The following PAPPA variants were observed in gnomAD, a reference collection of about 807,000 sequenced individuals.
PAPPA encodes pappalysin 1, also known as pappalysin-1.
A neutral mutation model predicts 164.0 loss-of-function variants in PAPPA; 60 were observed. The observed-to-expected ratio is 0.37, with a 90% CI of 0.30 to 0.45. The LOEUF is 0.45. Ranked by LOEUF, PAPPA falls within the 20% of genes least tolerant of loss-of-function variation. PAPPA has a pLI of 1.00. For missense variants in PAPPA, 1,782 were observed against 2,087.3 expected, an observed-to-expected ratio of 0.85 and a Z score of 2.85; for synonymous variants, 875 against 814.1, an observed-to-expected ratio of 1.07 and a Z score of -1.27.
Position 116,187,554 on chromosome 9 carries a change from G to A in PAPPA, c.816G>A (p.Met272Ile). The change falls in exon 2 of 22, where the codon ATG becomes ATA. Residue 272 changes from methionine to isoleucine, a missense_variant. Coordinates refer to ENST00000328252, the MANE Select transcript of PAPPA (RefSeq NM_002581.5). This position sits in a 1 kb window ranked among gnomAD's most constrained non-coding sequence, Gnocchi z 4.2. Reference sequence around the variant, plus strand: ...CTCAGCGGGAGATACTGTCTGACATGGAAACCCATGGCGCCCACACTGCTC... The same window carrying A: ...CTCAGCGGGAGATACTGTCTGACATAGAAACCCATGGCGCCCACACTGCTC... ...ARTQREILSD[M>I]ETHGAHTALP... 1 of 1,614,182 alleles carries A rather than the reference G, an allele frequency of 6.2e-7. No individual in the cohort carries two copies. The highest frequency in any genetic ancestry group is 1.3e-5 in the African/African-American group (1 of 75,044).
At chr9:116,268,284 TC>T (rs1219111028) in intron 8 of PAPPA, among the ~76,000 whole-genome samples, 3 of 152,206 alleles carry the variant, frequency 2.0e-5, no homozygotes, top group South Asian at 2.1e-4. Flanking sequence ...AGATACAGTT[TC>T]CAATGCAGTA....
At chr9:116,193,229 C>G (rs866215464) in intron 2 of PAPPA, among the ~76,000 whole-genome samples, 1 of 151,958 alleles carries the variant, frequency 6.6e-6, no homozygotes, top group African/African-American at 2.4e-5. Context: ...TTGGAAGTCT[C>G]ACAAAAGGGG....
At position 116,173,292 on chromosome 9, in the gene PAPPA, T is replaced by C. The variant is rs1379362655; in HGVS notation, c.416-13862T>C. On this transcript the variant is annotated intron_variant, in intron 1 of 21. Transcript: ENST00000328252. ...TAGAAATTTAGTAGTGTATCAAACC[T>C]CTCTCTTTGAAATTGTGCTCACATT... Among the ~76,000 whole-genome samples the C allele has an allele frequency of 2.6e-5, 4 of 152,174 alleles. No individual in the cohort carries two copies. In the South Asian group the frequency reaches 6.2e-4, roughly 24 times the overall value.
chr9:116,367,267 C>G (rs912980606), intron 18 of PAPPA, among the ~76,000 whole-genome samples: 4 of 152,268 alleles, frequency 2.6e-5, no homozygotes, highest in Admixed American at 6.5e-5. Flanking sequence ...TTGAACCAAC[C>G]AAAGAGTGAA....
chr9:116,228,695 C>T (rs1844547675), intron 6 of PAPPA, among the ~76,000 whole-genome samples: 1 of 152,190 alleles, frequency 6.6e-6, no homozygotes, highest in Non-Finnish European at 1.5e-5. Flanking sequence ...TTCAGCCTCA[C>T]AGAATCACAG....
intron 7 of PAPPA, among the ~76,000 whole-genome samples, chr9:116,263,493 A>T (rs1364857999): frequency 6.6e-6 from 1 of 152,194 alleles, no homozygotes. Flanking sequence ...CTCTTCTAGT[A>T]AGGGGACCAT....
chr9:116,260,796 G>A (rs1246689084), intron 7 of PAPPA, among the ~76,000 whole-genome samples: 1 of 152,232 alleles, frequency 6.6e-6, no homozygotes, highest in Non-Finnish European at 1.5e-5. Flanking sequence ...TGGTCAATGA[G>A]TCAACGGTAG....
rs1457041162 is a variant in PAPPA, at chr9:116,353,528, T to C, written c.4176-94T>C. ...CAGGTGGGGAATCAAAACTAGGAAA[T>C]AGGAAATGGGGGCCCAGCTGGTGGT... is the stretch of plus-strand genomic sequence containing the variant. On this transcript the variant is annotated intron_variant, in intron 16 of 21. Transcript: ENST00000328252. 8 of 1,145,356 alleles carry C rather than the reference T, an allele frequency of 7.0e-6. No individual in the cohort carries two copies. The East Asian group carries it at 7.1e-5, about 10-fold the overall frequency. The allele number at this position is 1,145,356 out of a possible 1,614,324, so 70.9% of individuals were successfully genotyped here.
intron 3 of PAPPA, among the ~76,000 whole-genome samples, chr9:116,208,152 G>A (rs12379469): frequency 0.18 from 27,599 of 152,132 alleles, 3,224 homozygotes; most frequent in East Asian, 0.35. Context: ...CCATAAACAA[G>A]ACATAAGTTT....
chr9:116,343,320 A>G (rs1305409457), intron 13 of PAPPA, among the ~76,000 whole-genome samples: 1 of 152,160 alleles, frequency 6.6e-6, no homozygotes, highest in Non-Finnish European at 1.5e-5. Context: ...TTAGCCTGCA[A>G]TCTGTTATGT....
intron 7 of PAPPA, among the ~76,000 whole-genome samples, chr9:116,258,267 A>T (rs1218020853): frequency 6.6e-6 from 1 of 152,054 alleles, no homozygotes; most frequent in Non-Finnish European, 1.5e-5. Context: ...CCTTTTGAAA[A>T]GGAAAACTAT....
chr9:116,177,716 T>C (rs923816737), intron 1 of PAPPA, among the ~76,000 whole-genome samples: 5 of 152,116 alleles, frequency 3.3e-5, no homozygotes, highest in African/African-American at 9.7e-5. Flanking sequence ...TCTCAAGTCA[T>C]TAAAATGACC....
intron 7 of PAPPA, among the ~76,000 whole-genome samples, chr9:116,253,377 A>C (rs1587973135): frequency 6.6e-6 from 1 of 152,308 alleles, no homozygotes; most frequent in East Asian, 1.9e-4. Flanking sequence ...ATTTTTTTAA[A>C]AAATTGAACA....
rs200604980 is a variant in PAPPA, at chr9:116,289,121, CATATATATATATATAT to C, written c.2954-13612_2954-13597del. Among the ~76,000 whole-genome samples the C allele has an allele frequency of 2.7e-3, 49 of 17,876 alleles. 1 individual carries two copies. The highest frequency in any genetic ancestry group is 0.025 in the East Asian group (7 of 276). 11.7% of individuals were successfully genotyped at this position (17,876 alleles called of 152,430 possible). ...GGATTGCAGAATAGATATGCATATACATATATATATATATATATATATATATATATATATATATAGC... is the reference window on the plus strand; with the variant it reads ...GGATTGCAGAATAGATATGCATATACATATATATATATATATATATATAGC... On this transcript the variant is annotated intron_variant, in intron 9 of 21. Coordinates refer to ENST00000328252, the MANE Select transcript of PAPPA (RefSeq NM_002581.5).
intron 20 of PAPPA, among the ~76,000 whole-genome samples, chr9:116,382,032 G>A (rs988339169): frequency 2.0e-5 from 3 of 152,098 alleles, no homozygotes; most frequent in African/African-American, 7.2e-5. Context: ...AGTGGGAGAA[G>A]GAGGCTTACA....
intron 15 of PAPPA, among the ~76,000 whole-genome samples, chr9:116,349,678 T>C (rs1253508782): frequency 6.6e-6 from 1 of 152,304 alleles, no homozygotes; most frequent in South Asian, 2.1e-4. Flanking sequence ...TCATTAGAGA[T>C]TGGAATTTCC....
intron 10 of PAPPA, among the ~76,000 whole-genome samples, chr9:116,303,554 T>C (rs902675486): frequency 5.9e-5 from 9 of 152,132 alleles, no homozygotes; most frequent in African/African-American, 2.2e-4. Flanking sequence ...CACTAGTGCT[T>C]GTATGATTCT....
At chr9:116,177,856 C>T (rs766171588) in intron 1 of PAPPA, among the ~76,000 whole-genome samples, 10 of 152,156 alleles carry the variant, frequency 6.6e-5, no homozygotes, top group Non-Finnish European at 1.0e-4. Context: ...TCTTTGACCC[C>T]ATCCCCCACC....
chr9:116,354,286 A>G (rs1846323096), intron 17 of PAPPA, among the ~76,000 whole-genome samples: 1 of 152,228 alleles, frequency 6.6e-6, no homozygotes, highest in South Asian at 2.1e-4. Context: ...ACTGAGAACA[A>G]GTCCAACACT....
Sources: allele counts gnomAD v4.1 joint callset (sites outside exome capture counted in the v4.1 genomes callset), GRCh38; gene constraint gnomAD v4.1.1; non-coding constraint Gnocchi (gnomAD v3.1); transcripts MANE v1.5; gene names NCBI Gene and HGNC (gene_info 2026-07-23, HGNC 2026-07-21).